The following PPP2R5E variants were observed in gnomAD, a reference collection of about 807,000 sequenced individuals.
The protein encoded by PPP2R5E is serine/threonine-protein phosphatase 2A 56 kDa regulatory subunit epsilon isoform.
A neutral mutation model predicts 65.3 loss-of-function variants in PPP2R5E; 4 were observed. That is an observed-to-expected ratio of 0.06 (90% CI 0.03 to 0.14). The LOEUF (loss-of-function observed/expected upper bound fraction) is 0.14, where lower values mean the gene tolerates loss of function less well. Ranked by LOEUF, PPP2R5E falls within the 10% of genes least tolerant of loss-of-function variation. PPP2R5E has a pLI of 1.00. For missense variants in PPP2R5E, 274 were observed against 556.1 expected, an observed-to-expected ratio of 0.49 and a Z score of 5.10; for synonymous variants, 183 against 187.4, an observed-to-expected ratio of 0.98 and a Z score of 0.19.
At chr14:63,390,295 G>GACACACAC (rs59239063) in intron 10 of PPP2R5E, among the ~76,000 whole-genome samples, 3,210 of 140,124 alleles carry the variant, frequency 0.023, 134 homozygotes, top group African/African-American at 0.077. Context: ...ACGCATTCTC[G>GACACACAC]ACACACACAC....
chr14:63,510,478 A>G (rs1379678183), intron 2 of PPP2R5E, among the ~76,000 whole-genome samples: 1 of 152,250 alleles, frequency 6.6e-6, no homozygotes, highest in Non-Finnish European at 1.5e-5. Flanking sequence ...GGAATAAAAT[A>G]CAGCAAGCCA....
At chr14:63,512,325 T>C (rs577039903) in intron 2 of PPP2R5E, among the ~76,000 whole-genome samples, 1 of 152,220 alleles carries the variant, frequency 6.6e-6, no homozygotes, top group Admixed American at 6.5e-5. Flanking sequence ...TACAGATAGA[T>C]GGGTAGAGAT....
chr14:63,519,964 C>T (rs1373070251), intron 2 of PPP2R5E, among the ~76,000 whole-genome samples: 2 of 144,674 alleles, frequency 1.4e-5, no homozygotes, highest in South Asian at 4.5e-4. Flanking sequence ...CTAGCTCCTA[C>T]GGACAAACTC....
At chr14:63,503,577 CA>C (rs764385642) in intron 2 of PPP2R5E, among the ~76,000 whole-genome samples, 1 of 151,962 alleles carries the variant, frequency 6.6e-6, no homozygotes. Context: ...GCAGTAAGGG[CA>C]AAAAACACCA....
At chr14:63,426,710 A>C (rs1594861403) in intron 3 of PPP2R5E, among the ~76,000 whole-genome samples, 1 of 151,618 alleles carries the variant, frequency 6.6e-6, no homozygotes. Flanking sequence ...AAAAAAAAAA[A>C]AAAAAAAAAA....
At chr14:63,474,610 G>C (rs1246306952) in intron 2 of PPP2R5E, among the ~76,000 whole-genome samples, 4 of 142,234 alleles carry the variant, frequency 2.8e-5, no homozygotes, top group East Asian at 4.1e-4. Flanking sequence ...GGAGGTCGAG[G>C]CTGCAGTGAA....
chr14:63,379,291 G>T (rs1306115599), intron 13 of PPP2R5E, among the ~76,000 whole-genome samples: 1 of 151,996 alleles, frequency 6.6e-6, no homozygotes, highest in Non-Finnish European at 1.5e-5. Flanking sequence ...GCCTCCCAAA[G>T]AGCTGGGATT....
At chr14:63,389,583 C>G (rs1231217988) in intron 11 of PPP2R5E, 29 bp downstream of exon 11, 2 of 1,574,772 alleles carry the variant, frequency 1.3e-6, no homozygotes, top group Non-Finnish European at 1.7e-6. Flanking sequence ...AACTCATGCT[C>G]CCTGGCTCAT....
At chr14:63,422,268 T>C (rs1887066091) in intron 3 of PPP2R5E, among the ~76,000 whole-genome samples, 174 bp from the exon 4 acceptor site, 3 of 152,132 alleles carry the variant, frequency 2.0e-5, no homozygotes, top group Admixed American at 2.0e-4. Flanking sequence ...CCAGGCAAGC[T>C]GGAAAGTAGC....
At chr14:63,527,622 G>A (rs950026549) in intron 2 of PPP2R5E, among the ~76,000 whole-genome samples, 1 of 152,112 alleles carries the variant, frequency 6.6e-6, no homozygotes, top group Non-Finnish European at 1.5e-5. Flanking sequence ...GTTTTAGAGA[G>A]AAGAAAACCA....
At chr14:63,481,810 T>C (rs1347580713) in intron 2 of PPP2R5E, among the ~76,000 whole-genome samples, 5 of 152,196 alleles carry the variant, frequency 3.3e-5, no homozygotes, top group Admixed American at 3.3e-4. Context: ...TTTTAAAGTA[T>C]GAGAAGTATG....
intron 5 of PPP2R5E, among the ~76,000 whole-genome samples, chr14:63,399,100 A>C (rs1453474533): frequency 6.6e-6 from 1 of 152,210 alleles, no homozygotes; most frequent in East Asian, 1.9e-4. Flanking sequence ...ATAATAGCTA[A>C]AAACTGAAAC....
At chr14:63,437,718 A>T (rs1888013068) in intron 3 of PPP2R5E, among the ~76,000 whole-genome samples, 1 of 152,180 alleles carries the variant, frequency 6.6e-6, no homozygotes, top group African/African-American at 2.4e-5. Flanking sequence ...TTAGCACCTA[A>T]CATTATCCTC....
intron 3 of PPP2R5E, among the ~76,000 whole-genome samples, chr14:63,435,690 T>C (rs1171517427): frequency 6.6e-6 from 1 of 152,228 alleles, no homozygotes; most frequent in Non-Finnish European, 1.5e-5. Flanking sequence ...CTCTCCACCT[T>C]ACTGCCCACA....
At chr14:63,380,046 A>G (rs1884244307) in intron 13 of PPP2R5E, among the ~76,000 whole-genome samples, 1 of 150,676 alleles carries the variant, frequency 6.6e-6, no homozygotes, top group Non-Finnish European at 1.5e-5. Context: ...TTCGGCCAGG[A>G]TGGTCTCGAA....
intron 2 of PPP2R5E, among the ~76,000 whole-genome samples, chr14:63,475,966 G>C (rs1171399813): frequency 6.6e-6 from 1 of 152,112 alleles, no homozygotes; most frequent in Admixed American, 6.5e-5. Flanking sequence ...GAACAGCACT[G>C]CTATTGTATG....
At chr14:63,505,639 C>G (rs1892125507) in intron 2 of PPP2R5E, among the ~76,000 whole-genome samples, 1 of 152,186 alleles carries the variant, frequency 6.6e-6, no homozygotes, top group South Asian at 2.1e-4. Context: ...ACTCTACAAT[C>G]TGAATCTAAG....
Position 63,498,772 on chromosome 14 carries a change from C to G in PPP2R5E, c.157+40757G>C, listed in dbSNP as rs570161038. Among the ~76,000 whole-genome samples the G allele has an allele frequency of 2.0e-5, 3 of 152,106 alleles. No homozygotes were observed. The East Asian group carries it at 5.8e-4, about 29-fold the overall frequency. On this transcript the variant is annotated intron_variant, in intron 2 of 13. Coordinates refer to ENST00000337537, the MANE Select transcript of PPP2R5E (RefSeq NM_006246.5). ...AATCCCTATATACATCTGAAAACAC[C>G]AGTACAAATCAGTCTGCAGATAGGG...
At chr14:63,492,597 C>A (rs930231108) in intron 2 of PPP2R5E, among the ~76,000 whole-genome samples, 4 of 152,122 alleles carry the variant, frequency 2.6e-5, no homozygotes, top group African/African-American at 9.7e-5. Flanking sequence ...AGCCTCTTCA[C>A]TGGAAATGCA....
Sources: gnomAD v4.1 joint callset for allele counts (sites outside exome capture counted in the v4.1 genomes callset) on GRCh38, gnomAD v4.1.1 for gene constraint, MANE v1.5 for transcripts, NCBI Gene and HGNC (gene_info 2026-07-23, HGNC 2026-07-21) for gene names.